OSBPL8: variants seen among roughly 807,000 people sequenced by gnomAD.
The protein encoded by OSBPL8 is oxysterol-binding protein-related protein 8.
Under a neutral mutation model 125.5 loss-of-function variants are expected in OSBPL8, and 59 were observed. The observed-to-expected ratio is 0.47, with a 90% CI of 0.38 to 0.58. OSBPL8 has a LOEUF of 0.58. Ranked by LOEUF, OSBPL8 falls within the 20% of genes least tolerant of loss-of-function variation. The pLI is 0.00. For synonymous variants in OSBPL8, 330 were observed against 338.9 expected, an observed-to-expected ratio of 0.97 and a Z score of 0.29; for missense variants, 758 against 1,047.8, an observed-to-expected ratio of 0.72 and a Z score of 3.82.
At chr12:76,361,799 A>T (rs1952218831) in intron 21 of OSBPL8, among the ~76,000 whole-genome samples, 1 of 152,150 alleles carries the variant, frequency 6.6e-6, no homozygotes, top group South Asian at 2.1e-4. Flanking sequence ...CATGGGGGAA[A>T]CCACCCCCTT....
chr12:76,365,013 G>A (rs1268550289), intron 21 of OSBPL8, among the ~76,000 whole-genome samples: 1 of 152,136 alleles, frequency 6.6e-6, no homozygotes, highest in African/African-American at 2.4e-5. Flanking sequence ...TCCCAGGCTG[G>A]AGTATAGTAG....
chr12:76,434,078 G>A (rs1037584605), intron 4 of OSBPL8, among the ~76,000 whole-genome samples: 41 of 151,762 alleles, frequency 2.7e-4, no homozygotes, highest in Non-Finnish European at 5.3e-4. Context: ...CAAAGCTGGA[G>A]GTATCACATT....
chr12:76,505,287 C>A (rs560962729), intron 1 of OSBPL8, among the ~76,000 whole-genome samples: 1 of 152,222 alleles, frequency 6.6e-6, no homozygotes, highest in East Asian at 1.9e-4. Context: ...CTGCCAGCTA[C>A]CCATATTAGT....
At chr12:76,510,925 G>A (rs1431936029) in intron 1 of OSBPL8, among the ~76,000 whole-genome samples, 1 of 151,296 alleles carries the variant, frequency 6.6e-6, no homozygotes, top group Non-Finnish European at 1.5e-5. Flanking sequence ...CATATAAGAA[G>A]CACTGTTCTA....
intron 21 of OSBPL8, among the ~76,000 whole-genome samples, chr12:76,360,510 C>T (rs1053722723): frequency 2.6e-5 from 4 of 152,144 alleles, no homozygotes; most frequent in African/African-American, 7.2e-5. Context: ...ATTCTGGGGT[C>T]TAGAGGACGG....
intron 1 of OSBPL8, among the ~76,000 whole-genome samples, chr12:76,499,768 C>T (rs1208115839): frequency 6.6e-6 from 1 of 151,994 alleles, no homozygotes; most frequent in African/African-American, 2.4e-5. Flanking sequence ...GTAGGAGAAT[C>T]ACTTGGACCC....
intron 4 of OSBPL8, among the ~76,000 whole-genome samples, chr12:76,426,993 C>T (rs888438812): frequency 6.6e-6 from 1 of 152,116 alleles, no homozygotes; most frequent in African/African-American, 2.4e-5. Context: ...AAGATGTAAT[C>T]ACCGGTGTTT....
At chr12:76,463,343 T>C (rs1474872837) in intron 2 of OSBPL8, among the ~76,000 whole-genome samples, 2 of 152,196 alleles carry the variant, frequency 1.3e-5, no homozygotes, top group African/African-American at 2.4e-5. Context: ...ACTTTCATTA[T>C]CTGAGACAGA....
chr12:76,495,711 C>G (rs1565944326), intron 1 of OSBPL8, among the ~76,000 whole-genome samples: 1 of 151,300 alleles, frequency 6.6e-6, no homozygotes, highest in Non-Finnish European at 1.5e-5. Flanking sequence ...TCTTCCATCA[C>G]CATTAAAATG....
chr12:76,509,415 AT>A (rs1046300733), intron 1 of OSBPL8, among the ~76,000 whole-genome samples: 1 of 152,172 alleles, frequency 6.6e-6, no homozygotes, highest in African/African-American at 2.4e-5. Context: ...ATAATGAGAG[AT>A]TATATACATG....
intron 21 of OSBPL8, among the ~76,000 whole-genome samples, chr12:76,365,794 T>C (rs1952392955): frequency 1.3e-5 from 2 of 152,358 alleles, no homozygotes; most frequent in Admixed American, 6.5e-5. Context: ...GAGGTCTTTC[T>C]TTTGTTTATG....
At chr12:76,449,119 T>C (rs1487610275) in intron 4 of OSBPL8, among the ~76,000 whole-genome samples, 4 of 152,152 alleles carry the variant, frequency 2.6e-5, no homozygotes, top group Non-Finnish European at 4.4e-5. Flanking sequence ...ATTCATAAAG[T>C]TACAACATCA....
intron 2 of OSBPL8, among the ~76,000 whole-genome samples, chr12:76,483,930 C>A (rs545213052): frequency 3.9e-5 from 6 of 151,994 alleles, no homozygotes; most frequent in Non-Finnish European, 8.8e-5. Context: ...ACGCCTCGGC[C>A]TCCCAAAGTG....
chr12:76,484,339 C>T (rs1877892908), intron 2 of OSBPL8, among the ~76,000 whole-genome samples: 1 of 152,218 alleles, frequency 6.6e-6, no homozygotes, highest in African/African-American at 2.4e-5. Context: ...TTTATGTTCT[C>T]TTAAGAAAGC....
chr12:76,513,031 A>G (rs923728184), intron 1 of OSBPL8, among the ~76,000 whole-genome samples: 13 of 152,336 alleles, frequency 8.5e-5, no homozygotes, highest in Middle Eastern at 3.4e-3. Flanking sequence ...TTGGTTTTGC[A>G]TCCTTAAACT....
In OSBPL8 at chr12:76,354,058, T is replaced by A. The variant is rs566019479; in HGVS notation, c.*1831A>T. 2 of 152,464 alleles carry A rather than the reference T, an allele frequency of 1.3e-5. No homozygotes were observed. The highest frequency in any genetic ancestry group is 4.8e-5 in the African/African-American group (2 of 41,566). 9.4% of individuals were successfully genotyped at this position (152,464 alleles called of 1,614,324 possible). ...AATCAATTTGTATGTAATTAACTAA[T>A]TTAAACCATAAAAAAGATCAAATTG... On this transcript the variant is annotated 3_prime_UTR_variant, in exon 24 of 24. Coordinates refer to ENST00000261183, the MANE Select transcript of OSBPL8 (RefSeq NM_020841.5).
intron 21 of OSBPL8, 23 bp downstream of exon 21, chr12:76,369,191 G>A: frequency 6.3e-7 from 1 of 1,597,016 alleles, no homozygotes; most frequent in Non-Finnish European, 8.5e-7. Context: ...TATACCTAGT[G>A]TACCTAGTTT....
chr12:76,508,063 C>T (rs536080095), intron 1 of OSBPL8, among the ~76,000 whole-genome samples: 73 of 151,116 alleles, frequency 4.8e-4, no homozygotes, highest in Non-Finnish European at 9.0e-4. Flanking sequence ...CCCAGCTACT[C>T]GCAAGGCTGA....
intron 6 of OSBPL8, 66 bp from the exon 7 acceptor site, chr12:76,400,040 G>A: frequency 4.0e-6 from 5 of 1,248,482 alleles, no homozygotes; most frequent in South Asian, 1.4e-5. Flanking sequence ...TTTAAGTTCA[G>A]GGGTACAAAT....
Sources: gnomAD v4.1 joint callset for allele counts (sites outside exome capture counted in the v4.1 genomes callset) on GRCh38, gnomAD v4.1.1 for gene constraint, MANE v1.5 for transcripts, NCBI Gene and HGNC (gene_info 2026-07-23, HGNC 2026-07-21) for gene names.